Variants in RIMKLB observed in about 807,000 individuals in gnomAD.
The protein encoded by RIMKLB is ribosomal modification protein rimK like family member B.
In RIMKLB, 7 loss-of-function variants were observed where a neutral mutation model predicts 32.0. The ratio of observed to expected loss-of-function variants is 0.22; its 90% CI spans 0.12 to 0.41. The LOEUF (loss-of-function observed/expected upper bound fraction) is 0.41, where lower values mean the gene tolerates loss of function less well. Among genes scored for constraint, RIMKLB ranks in the 10% least tolerant of loss-of-function variants. RIMKLB has a pLI of 1.00. For missense variants in RIMKLB, 289 were observed against 498.7 expected, an observed-to-expected ratio of 0.58 and a Z score of 4.00; for synonymous variants, 172 against 185.1, an observed-to-expected ratio of 0.93 and a Z score of 0.57.
At chr12:8,717,597 C>T (rs1281553872) in intron 2 of RIMKLB, among the ~76,000 whole-genome samples, 1 of 152,198 alleles carries the variant, frequency 6.6e-6, no homozygotes, top group African/African-American at 2.4e-5. Context: ...CTTTCTTCTT[C>T]ATTCTCCCTT....
At chr12:8,671,758 C>G in the RIMKLB span, among the ~76,000 whole-genome samples, 1 of 151,938 alleles carries the variant, frequency 6.6e-6, no homozygotes. Flanking sequence ...TAATAAAATA[C>G]AAAAATTAGC....
In RIMKLB at chr12:8,777,027, T is replaced by G. The variant is rs1330094863; in HGVS notation, c.*3243T>G. The G allele has an allele frequency of 2.0e-6, 2 of 985,756 alleles. No homozygotes were observed. Among genetic ancestry groups the G allele is most frequent in the African/African-American group, 3.5e-5 (2 of 57,230 alleles). 61.1% of individuals were successfully genotyped at this position (985,756 alleles called of 1,614,324 possible). ...TTTTTTGAGAAGGTTTATGGGCTAT[T>G]TGGCTGGTGAGACACGATCCCCTCC... is the stretch of plus-strand genomic sequence containing the variant. On this transcript the variant is annotated 3_prime_UTR_variant, in exon 6 of 6. Coordinates refer to ENST00000535829, the MANE Select transcript of RIMKLB (RefSeq NM_001297776.2).
intron 1 of RIMKLB, among the ~76,000 whole-genome samples, chr12:8,687,824 A>G (rs962432724): frequency 2.0e-5 from 3 of 148,132 alleles, no homozygotes; most frequent in African/African-American, 7.4e-5. Context: ...CAGGAAGAAA[A>G]AAAAAAAAAA....
At chr12:8,736,159 T>C (rs1214710225) in intron 2 of RIMKLB, among the ~76,000 whole-genome samples, 1 of 152,210 alleles carries the variant, frequency 6.6e-6, no homozygotes. Flanking sequence ...CATTGTTAGT[T>C]CTATTTTAGT....
Position 8,775,866 on chromosome 12 carries a change from G to A in RIMKLB, c.*2082G>A, listed in dbSNP as rs1476902. The A allele has an allele frequency of 8.7e-3, 8,561 of 984,818 alleles. 353 individuals are homozygous for A. In the African/African-American group the frequency reaches 0.11, roughly 13 times the overall value. The allele number at this position is 984,818 out of a possible 1,614,324, so 61.0% of individuals were successfully genotyped here. A position where few individuals can be genotyped will look rare whatever the true frequency, so the allele number is the denominator to read the frequency against. ...TTGCATTTAAAAGAACTTATCTTGCGCAGGGTAAATGGGGGACTCACATAC... is the reference window on the plus strand; with the variant it reads ...TTGCATTTAAAAGAACTTATCTTGCACAGGGTAAATGGGGGACTCACATAC... On this transcript the variant is annotated 3_prime_UTR_variant, in exon 6 of 6. Transcript: ENST00000535829.
In RIMKLB at chr12:8,776,312, TAA is replaced by T. The variant is rs138723846; in HGVS notation, c.*2532_*2533del. 223,426 of 977,570 alleles carry T rather than the reference TAA, an allele frequency of 0.23. 27,459 individuals are homozygous for T. The highest frequency in any genetic ancestry group is 0.25 in the Non-Finnish European group (203,369 of 822,800). The allele number at this position is 977,570 out of a possible 1,614,324, so 60.6% of individuals were successfully genotyped here. A position where few individuals can be genotyped will look rare whatever the true frequency, so the allele number is the denominator to read the frequency against. On this transcript the variant is annotated 3_prime_UTR_variant, in exon 6 of 6. Transcript: ENST00000535829. ...AAAGAGCAGTAGTTATCTTAGATTT[TAA>T]AAACATGGATATCTTCTTGAATTCC...
chr12:8,777,669 G>C, downstream of RIMKLB: 1 of 1,288,990 alleles, frequency 7.8e-7, no homozygotes, highest in Non-Finnish European at 1.0e-6. Flanking sequence ...CCCCCTTCCT[G>C]ATGATGAGTG....
At chr12:8,675,943 T>G in the RIMKLB span, among the ~76,000 whole-genome samples, 2 of 152,164 alleles carry the variant, frequency 1.3e-5, no homozygotes, top group East Asian at 1.9e-4. Context: ...GTCGTTAAAT[T>G]TTCTCTAGTC....
At chr12:8,686,884 T>C (rs774429809) in intron 1 of RIMKLB, among the ~76,000 whole-genome samples, 9 of 152,218 alleles carry the variant, frequency 5.9e-5, no homozygotes, top group African/African-American at 1.4e-4. Context: ...ACAGGAATTA[T>C]GGAGAAATCA....
chr12:8,672,450 A>G, the RIMKLB span, among the ~76,000 whole-genome samples: 203 of 152,314 alleles, frequency 1.3e-3, no homozygotes, highest in African/African-American at 4.6e-3. Context: ...ACAGTTTCAC[A>G]TGGCTGGGGA....
chr12:8,709,844 A>G (rs1944213755), intron 1 of RIMKLB, among the ~76,000 whole-genome samples: 1 of 152,216 alleles, frequency 6.6e-6, no homozygotes, highest in African/African-American at 2.4e-5. Flanking sequence ...GCAAATTATC[A>G]TAGATATGTA....
At chr12:8,711,511 C>T (rs1197665460) in intron 1 of RIMKLB, among the ~76,000 whole-genome samples, 1 of 151,712 alleles carries the variant, frequency 6.6e-6, no homozygotes, top group Non-Finnish European at 1.5e-5. Flanking sequence ...TTAATCACTA[C>T]TGATTACAAA....
chr12:8,737,680 A>T (rs1043489885), intron 2 of RIMKLB, among the ~76,000 whole-genome samples: 1 of 152,016 alleles, frequency 6.6e-6, no homozygotes, highest in Non-Finnish European at 1.5e-5. Flanking sequence ...TGTATTTATT[A>T]GTTGGTATTG....
intron 1 of RIMKLB, chr12:8,700,224 C>G (rs1943269509): frequency 1.3e-5 from 2 of 152,208 alleles, no homozygotes; most frequent in African/African-American, 4.8e-5. Context: ...CTAAAGTGGA[C>G]ATTATTTGAC....
chr12:8,682,665 G>C (rs907857736), intron 1 of RIMKLB, among the ~76,000 whole-genome samples: 1 of 151,930 alleles, frequency 6.6e-6, no homozygotes, highest in Non-Finnish European at 1.5e-5. Flanking sequence ...CCAGCTACTC[G>C]GGAGGCTGAG....
At chr12:8,708,419 C>T (rs1219758277) in intron 1 of RIMKLB, among the ~76,000 whole-genome samples, 1 of 152,054 alleles carries the variant, frequency 6.6e-6, no homozygotes, top group Non-Finnish European at 1.5e-5. Context: ...TAATAGAAAT[C>T]TTTTATGCTC....
chr12:8,693,324 C>G (rs934477305), upstream of RIMKLB, among the ~76,000 whole-genome samples: 4 of 152,036 alleles, frequency 2.6e-5, no homozygotes, highest in Non-Finnish European at 4.4e-5. Context: ...GGCCTTCCCC[C>G]AGTACCTTCA....
chr12:8,769,228 G>A (rs1950211686), intron 5 of RIMKLB, among the ~76,000 whole-genome samples: 1 of 151,848 alleles, frequency 6.6e-6, no homozygotes, highest in Admixed American at 6.6e-5. Flanking sequence ...ATTACCTTCT[G>A]ATTTTCTTGA....
intron 1 of RIMKLB, among the ~76,000 whole-genome samples, chr12:8,688,825 T>A (rs768634988): frequency 1.3e-5 from 2 of 152,134 alleles, no homozygotes; most frequent in East Asian, 3.9e-4. Context: ...GTGCATGACG[T>A]ATTTCTTTCT....
Sources: gnomAD v4.1 joint callset for allele counts (sites outside exome capture counted in the v4.1 genomes callset) on GRCh38, gnomAD v4.1.1 for gene constraint, MANE v1.5 for transcripts, NCBI Gene and HGNC (gene_info 2026-07-23, HGNC 2026-07-21) for gene names.